The following BMERB1 variants were observed in gnomAD, a reference collection of about 807,000 sequenced individuals.
BMERB1 encodes the protein bMERB domain containing 1.
A neutral mutation model predicts 23.6 loss-of-function variants in BMERB1; 12 were observed. The ratio of observed to expected loss-of-function variants is 0.51; its 90% CI spans 0.33 to 0.82. The LOEUF (loss-of-function observed/expected upper bound fraction) is 0.82. Among genes scored for constraint, BMERB1 ranks in the 40% least tolerant of loss-of-function variants. BMERB1 has a pLI of 0.03. For missense variants in BMERB1, 247 were observed against 255.4 expected, an observed-to-expected ratio of 0.97 and a Z score of 0.22; for synonymous variants, 122 against 96.6, an observed-to-expected ratio of 1.26 and a Z score of -1.54.
intron 2 of BMERB1, among the ~76,000 whole-genome samples, chr16:15,558,070 T>C (rs559115475): frequency 2.0e-5 from 3 of 152,092 alleles, no homozygotes; most frequent in South Asian, 2.1e-4. Context: ...TTTGACTTGA[T>C]AAGCAGTCCA....
intron 1 of BMERB1, among the ~76,000 whole-genome samples, chr16:15,471,943 T>C (rs188038740): frequency 2.0e-5 from 3 of 152,344 alleles, no homozygotes; most frequent in Non-Finnish European, 2.9e-5. Context: ...GTATCACATA[T>C]GTTTTGATAT....
At chr16:15,520,759 T>C (rs368980823) in intron 2 of BMERB1, among the ~76,000 whole-genome samples, 1 of 152,298 alleles carries the variant, frequency 6.6e-6, no homozygotes, top group East Asian at 1.9e-4. Context: ...AGTGCTGGGA[T>C]TACAGGCATG....
chr16:15,466,586 A>T (rs2051182499), intron 1 of BMERB1, among the ~76,000 whole-genome samples: 1 of 152,116 alleles, frequency 6.6e-6, no homozygotes, highest in Non-Finnish European at 1.5e-5. Context: ...TAATACAGAG[A>T]TCTATGTATG....
intron 1 of BMERB1, among the ~76,000 whole-genome samples, chr16:15,455,479 G>T (rs1364932997): frequency 6.6e-6 from 1 of 151,554 alleles, no homozygotes; most frequent in Non-Finnish European, 1.5e-5. Context: ...ATTTATTTTT[G>T]AGATGGAGTC....
intron 1 of BMERB1, among the ~76,000 whole-genome samples, chr16:15,497,806 C>G (rs1475757948): frequency 1.3e-5 from 2 of 152,172 alleles, no homozygotes; most frequent in Non-Finnish European, 1.5e-5. Flanking sequence ...ATTGTGCCCC[C>G]TCATCATTAG....
At chr16:15,478,593 G>A (rs2051292177) in intron 1 of BMERB1, among the ~76,000 whole-genome samples, 1 of 152,176 alleles carries the variant, frequency 6.6e-6, no homozygotes, top group African/African-American at 2.4e-5. Flanking sequence ...ACTCTGTCAG[G>A]AGGACGATGA....
chr16:15,437,515 C>A (rs2050898768), intron 1 of BMERB1, among the ~76,000 whole-genome samples: 1 of 152,176 alleles, frequency 6.6e-6, no homozygotes, highest in Non-Finnish European at 1.5e-5. Context: ...TTGGTCAATT[C>A]TTCAATAATG....
At chr16:15,471,643 G>T (rs1037467986) in intron 1 of BMERB1, among the ~76,000 whole-genome samples, 3 of 152,086 alleles carry the variant, frequency 2.0e-5, no homozygotes, top group Non-Finnish European at 4.4e-5. Flanking sequence ...AGAGATAGGG[G>T]TCTTGCTGCA....
intron 1 of BMERB1, among the ~76,000 whole-genome samples, chr16:15,478,997 G>GT: frequency 6.6e-6 from 1 of 152,228 alleles, no homozygotes; most frequent in Non-Finnish European, 1.5e-5. Context: ...TTTGTCTTTT[G>GT]TTTTTTGTTT....
chr16:15,479,950 C>T (rs1298719475), intron 1 of BMERB1, among the ~76,000 whole-genome samples: 1 of 148,870 alleles, frequency 6.7e-6, no homozygotes, highest in Non-Finnish European at 1.5e-5. Flanking sequence ...GAGCCTGTCT[C>T]AAAAATTTTT....
At chr16:15,576,349 G>A (rs1227552050) in intron 3 of BMERB1, among the ~76,000 whole-genome samples, 1 of 152,086 alleles carries the variant, frequency 6.6e-6, no homozygotes, top group Non-Finnish European at 1.5e-5. Context: ...GCCTAGCCGA[G>A]CATTGGCAAT....
At chr16:15,567,344 G>A (rs1408675605) in intron 2 of BMERB1, among the ~76,000 whole-genome samples, 1 of 152,130 alleles carries the variant, frequency 6.6e-6, no homozygotes, top group African/African-American at 2.4e-5. Context: ...TTTAAAAAAC[G>A]TAAACTTTAG....
intron 1 of BMERB1, among the ~76,000 whole-genome samples, chr16:15,507,270 C>T (rs962199785): frequency 2.0e-5 from 3 of 152,200 alleles, no homozygotes; most frequent in Non-Finnish European, 4.4e-5. Context: ...ACTCCTGTCC[C>T]TGGGTAGCCT....
At chr16:15,578,514 TA>T (rs2030928573) in intron 3 of BMERB1, among the ~76,000 whole-genome samples, 1 of 152,110 alleles carries the variant, frequency 6.6e-6, no homozygotes, top group South Asian at 2.1e-4. Context: ...AGAAGAGATA[TA>T]AACTGGGGAA....
chr16:15,483,187 G>GT (rs1247829461), intron 1 of BMERB1, among the ~76,000 whole-genome samples: 2 of 152,002 alleles, frequency 1.3e-5, no homozygotes, highest in African/African-American at 4.8e-5. Flanking sequence ...GCCAAACATT[G>GT]TATGTTTCCA....
chr16:15,512,809 G>A (rs916455763), intron 1 of BMERB1, among the ~76,000 whole-genome samples: 1 of 151,908 alleles, frequency 6.6e-6, no homozygotes, highest in Non-Finnish European at 1.5e-5. Flanking sequence ...AATCCGGGAG[G>A]CGGAGGTTGC....
chr16:15,439,794 G>A (rs2050923554), intron 1 of BMERB1, among the ~76,000 whole-genome samples: 1 of 152,132 alleles, frequency 6.6e-6, no homozygotes, highest in South Asian at 2.1e-4. Context: ...ATGCAGACAA[G>A]GTGCCTTTTG....
intron 1 of BMERB1, among the ~76,000 whole-genome samples, chr16:15,507,255 C>G (rs1169560398): frequency 6.6e-6 from 1 of 152,206 alleles, no homozygotes; most frequent in Non-Finnish European, 1.5e-5. Flanking sequence ...TCTATCACCT[C>G]CACCACTCCT....
intron 2 of BMERB1, among the ~76,000 whole-genome samples, chr16:15,557,938 G>A (rs1238770801): frequency 5.3e-5 from 8 of 152,074 alleles, no homozygotes; most frequent in East Asian, 3.9e-4. Flanking sequence ...CCAGCTACTC[G>A]GGAAGCTGAG....
Sources: allele counts gnomAD v4.1 joint callset (sites outside exome capture counted in the v4.1 genomes callset), GRCh38; gene constraint gnomAD v4.1.1; transcripts MANE v1.5; gene names NCBI Gene and HGNC (gene_info 2026-07-23, HGNC 2026-07-21).